P2RY12: variants seen among roughly 807,000 people sequenced by gnomAD.
The protein encoded by P2RY12 is P2Y purinoceptor 12.
Under a neutral mutation model 4.5 loss-of-function variants are expected in P2RY12, and 3 were observed. The observed-to-expected ratio is 0.67, with a 90% confidence interval of 0.31 to 1.74. P2RY12 has a LOEUF of 1.74. Among genes scored for constraint, P2RY12 ranks in the 40% most tolerant of loss-of-function variants. The pLI is 0.09. For synonymous variants in P2RY12, 148 were observed against 154.1 expected, an observed-to-expected ratio of 0.96 and a Z score of 0.29; for missense variants, 356 against 407.8, an observed-to-expected ratio of 0.87 and a Z score of 1.09.
At chr3:151,346,001 G>A (rs1752490944) in intron 1 of P2RY12, among the ~76,000 whole-genome samples, 1 of 152,124 alleles carries the variant, frequency 6.6e-6, no homozygotes, top group Admixed American at 6.5e-5. Context: ...TAGAGGTTGA[G>A]CAGTGATTCT....
chr3:151,372,535 T>C, intron 1 of P2RY12: 3 of 1,557,120 alleles, frequency 1.9e-6, no homozygotes, highest in South Asian at 2.2e-5. Flanking sequence ...TTTGAACTTC[T>C]GTGATTTTGC....
intron 1 of P2RY12, among the ~76,000 whole-genome samples, chr3:151,374,220 G>A (rs1756539890): frequency 7.2e-6 from 1 of 138,644 alleles, no homozygotes; most frequent in Non-Finnish European, 1.5e-5. Context: ...CCAGCGCTTT[G>A]TCAAAAAATG....
rs200565779 is a variant in P2RY12 at position 151,360,275 on chromosome 3, G to GT, written c.-179-19516dup. 6.8e-3 allele frequency among the ~76,000 whole-genome samples: 1,030 copies of GT among 152,044 alleles called. 4 individuals are homozygous for GT. The highest frequency in any genetic ancestry group is 0.011 in the Admixed American group (169 of 15,272). ...TCTTGTCATCAGTGACATTTCTGAA[G>GT]TTTTTTTTAAAATCTATTTCAGTGT... is the stretch of plus-strand genomic sequence containing the variant. On this transcript the variant is annotated intron_variant, in intron 1 of 2. Transcript: ENST00000302632.
intron 1 of P2RY12, among the ~76,000 whole-genome samples, chr3:151,374,535 A>G (rs376465133): frequency 1.6e-4 from 24 of 150,878 alleles, no homozygotes; most frequent in Admixed American, 1.0e-3. Flanking sequence ...GTAAGAGAGC[A>G]AGACTCTGTC....
At chr3:151,356,115 A>G (rs2150052919) in intron 1 of P2RY12, 8 of 1,440,806 alleles carry the variant, frequency 5.6e-6, no homozygotes, top group East Asian at 2.4e-5. Context: ...AAGTGAGCCA[A>G]TTAGCTGGGC....
intron 1 of P2RY12, among the ~76,000 whole-genome samples, chr3:151,348,741 C>A (rs180992020): frequency 5.3e-5 from 8 of 152,120 alleles, no homozygotes; most frequent in African/African-American, 1.4e-4. Context: ...CTGAGAAAGA[C>A]AGACCGACAC....
At chr3:151,362,715 GA>G (rs199597803) in intron 1 of P2RY12, among the ~76,000 whole-genome samples, 5 of 150,616 alleles carry the variant, frequency 3.3e-5, no homozygotes, top group Non-Finnish European at 7.4e-5. Flanking sequence ...AGTAGGCACT[GA>G]AAAAAAAATC....
At position 151,341,816 on chromosome 3, in the gene P2RY12, G is replaced by C. The variant is rs547293201; in HGVS notation, c.-179-1056C>G. ...TTGTTCAGTTCCCACCTATGAGTGA[G>C]AATATGTGGTGTTTGGTTTTTTGTT... On this transcript the variant is annotated intron_variant, in intron 1 of 2. Coordinates refer to ENST00000302632, the MANE Select transcript of P2RY12 (RefSeq NM_022788.5). Among the ~76,000 whole-genome samples, 276 of 151,592 alleles carry C rather than the reference G, an allele frequency of 1.8e-3. 1 individual carries two copies. The highest frequency in any genetic ancestry group is 3.0e-3 in the Non-Finnish European group (207 of 67,934).
rs371161784 is a variant in P2RY12 at position 151,375,804 on chromosome 3, T to A, written c.-180+8888A>T. Among the ~76,000 whole-genome samples, 7 of 152,230 alleles carry A rather than the reference T, an allele frequency of 4.6e-5. No homozygotes were observed. In the East Asian group the frequency reaches 9.6e-4, roughly 21 times the overall value. The stretch of plus-strand genomic sequence containing the variant: ...TTTATTGTCTTTTCTTTTTTCCCAT[T>A]AAAAAATGTTTTTAAGCAAGTTCTA... On this transcript the variant is annotated intron_variant, in intron 1 of 2. Transcript: ENST00000302632.
In P2RY12 at chr3:151,337,048, A is replaced by G. The variant is rs6803224; in HGVS notation, c.*769T>C. On this transcript the variant is annotated 3_prime_UTR_variant, in exon 3 of 3. Coordinates refer to ENST00000302632, the MANE Select transcript of P2RY12 (RefSeq NM_022788.5). ...AGCTAATTAATAAAGGTAAGTGTCA[A>G]TGATGGTATTATTGAAGTTGTAAAA... The G allele has an allele frequency of 0.73, 111,610 of 151,956 alleles. 41,279 individuals are homozygous for G. Among genetic ancestry groups the G allele is most frequent in the Middle Eastern group, 0.86 (236 of 276 alleles). The allele number at this position is 151,956 out of a possible 1,614,324, so 9.4% of individuals were successfully genotyped here. A position where few individuals can be genotyped will look rare whatever the true frequency, so the allele number is the denominator to read the frequency against.
chr3:151,383,699 C>A, intron 1 of P2RY12: 2 of 857,256 alleles, frequency 2.3e-6, no homozygotes, highest in South Asian at 1.8e-5. Context: ...AAAAAACAAT[C>A]AAAATTTGAT....
chr3:151,368,689 T>TATTTCATTTCATTTCATTTC (rs1175917645), intron 1 of P2RY12, among the ~76,000 whole-genome samples: 1 of 42,010 alleles, frequency 2.4e-5, no homozygotes, highest in South Asian at 8.5e-4. Flanking sequence ...CATTTCATTT[T>TATTTCATTTCATTTCATTTC]ATTTCATTTC....
At chr3:151,370,882 A>G (rs1477704196) in intron 1 of P2RY12, among the ~76,000 whole-genome samples, 1 of 152,226 alleles carries the variant, frequency 6.6e-6, no homozygotes, top group African/African-American at 2.4e-5. Flanking sequence ...TTGTAGGATT[A>G]GTCTAATCTC....
chr3:151,377,926 A>T, intron 1 of P2RY12: 1 of 1,346,476 alleles, frequency 7.4e-7, no homozygotes, highest in Non-Finnish European at 1.0e-6. Flanking sequence ...CTCATACATC[A>T]AAGTTTCGCT....
At chr3:151,368,686 T>TGTCA (rs1755725243) in intron 1 of P2RY12, among the ~76,000 whole-genome samples, 1 of 45,774 alleles carries the variant, frequency 2.2e-5, no homozygotes, top group Non-Finnish European at 3.9e-5. Context: ...TGTCATTTCA[T>TGTCA]TTTATTTCAT....
chr3:151,361,024 T>C (rs928338755), intron 1 of P2RY12, among the ~76,000 whole-genome samples: 1 of 152,152 alleles, frequency 6.6e-6, no homozygotes, highest in Non-Finnish European at 1.5e-5. Flanking sequence ...AATAGAAAGA[T>C]CAATGAGGCA....
At chr3:151,355,054 T>C in intron 1 of P2RY12, 1 of 1,125,844 alleles carries the variant, frequency 8.9e-7, no homozygotes, top group Non-Finnish European at 1.3e-6. Flanking sequence ...TAAAAAAAAG[T>C]ATCCATTAAA....
chr3:151,349,558 A>G (rs1220633027), intron 1 of P2RY12, among the ~76,000 whole-genome samples: 1 of 152,092 alleles, frequency 6.6e-6, no homozygotes, highest in African/African-American at 2.4e-5. Flanking sequence ...CACTGGGATT[A>G]CAGACAGGAG....
rs1328895582 is a variant in P2RY12, at chr3:151,382,790, A to G, written c.-180+1902T>C. The stretch of plus-strand genomic sequence containing the variant: ...TTTTCCCTCCATTAAACATATTTAC[A>G]TGTGAAAATACCTCCAGCTTTCCAC... On this transcript the variant is annotated intron_variant, in intron 1 of 2. Coordinates refer to ENST00000302632, the MANE Select transcript of P2RY12 (RefSeq NM_022788.5). The G allele has an allele frequency of 8.9e-6, 13 of 1,458,392 alleles. No homozygotes were observed. The East Asian group carries it at 1.9e-4, about 21-fold the overall frequency. 90.3% of individuals were successfully genotyped at this position (1,458,392 alleles called of 1,614,324 possible).
Sources: gnomAD v4.1 joint callset for allele counts (sites outside exome capture counted in the v4.1 genomes callset) on GRCh38, gnomAD v4.1.1 for gene constraint, MANE v1.5 for transcripts, NCBI Gene and HGNC (gene_info 2026-07-23, HGNC 2026-07-21) for gene names.